TCF12: variants seen among roughly 807,000 people sequenced by gnomAD.
TCF12 encodes DNA-binding protein HTF4.
Under a neutral mutation model 86.0 loss-of-function variants are expected in TCF12, and 45 were observed. The ratio of observed to expected loss-of-function variants is 0.52; its 90% CI spans 0.41 to 0.67. The LOEUF (loss-of-function observed/expected upper bound fraction) is 0.67. Among genes scored for constraint, TCF12 ranks in the 30% least tolerant of loss-of-function variants. The pLI is 0.00. For synonymous variants in TCF12, 330 were observed against 299.6 expected (o/e 1.10, Z -1.05); for missense variants, 881 against 859.9 (o/e 1.02, Z -0.31).
At chr15:57,125,412 T>G (rs2051570334) in intron 5 of TCF12, among the ~76,000 whole-genome samples, 1 of 152,224 alleles carries the variant, frequency 6.6e-6, no homozygotes, top group Non-Finnish European at 1.5e-5. Flanking sequence ...CCCAGTTAAC[T>G]TAAGGCCAAC....
At chr15:56,947,012 G>C (rs551074724) in intron 3 of TCF12, among the ~76,000 whole-genome samples, 1 of 152,108 alleles carries the variant, frequency 6.6e-6, no homozygotes, top group East Asian at 1.9e-4. Context: ...TGGCTAGGCT[G>C]GTCTTGAACT....
chr15:57,109,045 G>A (rs1470791125), intron 5 of TCF12, among the ~76,000 whole-genome samples: 5 of 152,162 alleles, frequency 3.3e-5, no homozygotes, highest in African/African-American at 1.2e-4. Flanking sequence ...TCTTGTATAT[G>A]TGAAATCTGA....
intron 8 of TCF12, among the ~76,000 whole-genome samples, chr15:57,215,372 C>T (rs2151837555): frequency 1.3e-5 from 2 of 152,200 alleles, no homozygotes; most frequent in African/African-American, 2.4e-5. Context: ...TAAATCTATC[C>T]TCACCCCTAC....
intron 6 of TCF12, 29 bp from the exon 7 acceptor site, chr15:57,192,129 T>A: frequency 6.2e-7 from 1 of 1,609,496 alleles, no homozygotes; most frequent in Non-Finnish European, 8.5e-7. Flanking sequence ...AGCAGGAAAA[T>A]AACTTGTTTC....
At position 57,253,251 on chromosome 15, in the gene TCF12, A is replaced by G. The variant is rs1316987570; in HGVS notation, c.1261-11A>G. On this transcript the variant is annotated splice_polypyrimidine_tract_variant and intron_variant, in intron 15 of 20. Coordinates refer to ENST00000333725, the MANE Select transcript of TCF12 (RefSeq NM_207037.2). Reference sequence around the variant, plus strand: ...GCAATAACCACCATGTTTTTTTTTTAATCCATACAGCAGTCTCGAATGGAG... The same window carrying G: ...GCAATAACCACCATGTTTTTTTTTTGATCCATACAGCAGTCTCGAATGGAG... 5 of 1,606,582 alleles carry G rather than the reference A, an allele frequency of 3.1e-6. No homozygotes were observed. The African/African-American group carries it at 6.7e-5, about 22-fold the overall frequency.
At chr15:57,024,847 A>G (rs1182865928) in intron 3 of TCF12, among the ~76,000 whole-genome samples, 2 of 152,204 alleles carry the variant, frequency 1.3e-5, no homozygotes, top group South Asian at 2.1e-4. Context: ...TAAGGTAGGT[A>G]AGGGAGAGGA....
chr15:57,167,180 C>T (rs1384786923), intron 6 of TCF12, among the ~76,000 whole-genome samples: 2 of 152,194 alleles, frequency 1.3e-5, no homozygotes, highest in East Asian at 3.8e-4. Flanking sequence ...TAATAATACT[C>T]CATTTAATAC....
chr15:57,078,613 A>G (rs1359421889), intron 4 of TCF12, among the ~76,000 whole-genome samples: 10 of 150,768 alleles, frequency 6.6e-5, no homozygotes, highest in African/African-American at 2.2e-4. Flanking sequence ...TCACACTTCC[A>G]TATGCATATT....
intron 6 of TCF12, among the ~76,000 whole-genome samples, chr15:57,172,515 A>G (rs1462744042): frequency 6.6e-6 from 1 of 152,180 alleles, no homozygotes; most frequent in African/African-American, 2.4e-5. Context: ...AGTAAATTGG[A>G]AAGGTTTGAA....
intron 3 of TCF12, among the ~76,000 whole-genome samples, chr15:56,978,807 A>C (rs890519545): frequency 6.6e-5 from 10 of 152,192 alleles, no homozygotes; most frequent in African/African-American, 1.9e-4. Flanking sequence ...CAGCAGGCCC[A>C]ACTAAAAAGC....
intron 8 of TCF12, among the ~76,000 whole-genome samples, chr15:57,225,414 T>A (rs1189730433): frequency 1.3e-5 from 2 of 151,608 alleles, no homozygotes; most frequent in African/African-American, 4.8e-5. Flanking sequence ...TAATTTTTTT[T>A]ATTATTATTT....
chr15:57,206,251 C>T (rs2057804090), intron 8 of TCF12, among the ~76,000 whole-genome samples: 1 of 152,118 alleles, frequency 6.6e-6, no homozygotes, highest in African/African-American at 2.4e-5. Context: ...GCCTGTAATC[C>T]CAGTGCTTTG....
At chr15:57,057,577 C>A (rs899471258) in intron 3 of TCF12, among the ~76,000 whole-genome samples, 4 of 152,130 alleles carry the variant, frequency 2.6e-5, no homozygotes, top group African/African-American at 9.7e-5. Flanking sequence ...TCCGCCAGCC[C>A]TAGGATTTAT....
intron 8 of TCF12, among the ~76,000 whole-genome samples, chr15:57,203,064 A>G (rs975880976): frequency 7.2e-5 from 11 of 152,234 alleles, no homozygotes; most frequent in Non-Finnish European, 1.5e-4. Flanking sequence ...CGTTACCTCC[A>G]CCTGTGTATA....
intron 3 of TCF12, among the ~76,000 whole-genome samples, chr15:56,967,521 A>G (rs145969420): frequency 2.0e-5 from 3 of 152,232 alleles, no homozygotes; most frequent in Admixed American, 2.0e-4. Context: ...TATCTGTTTA[A>G]TTCATTGAGT....
intron 5 of TCF12, among the ~76,000 whole-genome samples, chr15:57,109,511 G>C (rs774260843): frequency 6.6e-6 from 1 of 152,100 alleles, no homozygotes; most frequent in Non-Finnish European, 1.5e-5. Flanking sequence ...TTTTCTATGA[G>C]TATTCGAATT....
chr15:57,076,743 A>G (rs1404632930), intron 4 of TCF12, among the ~76,000 whole-genome samples: 1 of 152,168 alleles, frequency 6.6e-6, no homozygotes, highest in Non-Finnish European at 1.5e-5. Flanking sequence ...TTTGACTGCT[A>G]GTAGCAGTCT....
At chr15:57,211,545 T>C (rs1434925523) in intron 8 of TCF12, among the ~76,000 whole-genome samples, 1 of 152,242 alleles carries the variant, frequency 6.6e-6, no homozygotes, top group Non-Finnish European at 1.5e-5. Context: ...TTTGGACTCT[T>C]GTCTTAGAAC....
chr15:57,248,076 A>G (rs780924800), intron 13 of TCF12: 1 of 702,670 alleles, frequency 1.4e-6, no homozygotes, highest in Admixed American at 2.0e-5. Context: ...ATGTCTTCCA[A>G]CTCAAGTTCA....
Sources: gnomAD v4.1 joint callset for allele counts (sites outside exome capture counted in the v4.1 genomes callset) on GRCh38, gnomAD v4.1.1 for gene constraint, MANE v1.5 for transcripts, NCBI Gene and HGNC (gene_info 2026-07-23, HGNC 2026-07-21) for gene names.